USH2A: variants seen among roughly 807,000 people sequenced by gnomAD.
USH2A encodes the protein usherin.
USH2A carries 443 observed loss-of-function variants against 538.9 expected under a neutral mutation model. That is an observed-to-expected ratio of 0.82 (90% confidence interval 0.76 to 0.89). The LOEUF is 0.89. Ranked by LOEUF, USH2A falls within the 40% of genes least tolerant of loss-of-function variation. USH2A has a pLI of 0.00. For synonymous variants in USH2A, 2,413 were observed against 2,273.5 expected, an observed-to-expected ratio of 1.06 and a Z score of -1.75; for missense variants, 6,633 against 6,324.8, an observed-to-expected ratio of 1.05 and a Z score of -1.65.
chr1:215,835,229 T>C (rs1201985954), intron 47 of USH2A, among the ~76,000 whole-genome samples: 4 of 150,644 alleles, frequency 2.7e-5, no homozygotes, highest in South Asian at 2.1e-4. Context: ...CCTTGTTGAT[T>C]GGCATACTTC....
At chr1:216,112,848 T>C (rs1330745438) in intron 21 of USH2A, among the ~76,000 whole-genome samples, 1 of 152,008 alleles carries the variant, frequency 6.6e-6, no homozygotes, top group Non-Finnish European at 1.5e-5. Flanking sequence ...CTTTATCTAG[T>C]CTGTCATTGA....
At chr1:216,296,629 A>T (rs1464194389) in intron 9 of USH2A, among the ~76,000 whole-genome samples, 1 of 152,088 alleles carries the variant, frequency 6.6e-6, no homozygotes, top group African/African-American at 2.4e-5. Context: ...ACAATTCACA[A>T]ACAAGGTGAC....
intron 32 of USH2A, among the ~76,000 whole-genome samples, chr1:216,012,362 C>T (rs1037035802): frequency 6.6e-6 from 1 of 152,032 alleles, no homozygotes; most frequent in African/African-American, 2.4e-5. Context: ...CAAGGATTTG[C>T]CCCCACCCAG....
chr1:216,053,372 T>G (rs1293671637), intron 30 of USH2A, among the ~76,000 whole-genome samples: 2 of 152,058 alleles, frequency 1.3e-5, no homozygotes, highest in Admixed American at 1.3e-4. Context: ...GTTTTTATAC[T>G]GAAGAAGTAT....
rs779202230 is a variant in USH2A at position 215,674,110 on chromosome 1, G to T, written c.13801C>A (p.Pro4601Thr). 1 of 1,614,006 alleles carries T rather than the reference G, an allele frequency of 6.2e-7. No homozygotes were observed. The highest frequency in any genetic ancestry group is 8.5e-7 in the Non-Finnish European group (1 of 1,179,970). ...MQSYIVNQLK[P>T]FHRYEIRIQA... ...GACATGGCTACCTACCTGTGAAATG[G>T]CTTCAGCTGGTTTACTATATATGAC... Residue 4601 changes from proline to threonine, a missense_variant, in exon 63 of 72, where the codon CCA (proline) becomes ACA (threonine). Coordinates refer to ENST00000307340, the MANE Select transcript of USH2A (RefSeq NM_206933.4).
At chr1:216,130,864 G>A (rs1200384319) in intron 21 of USH2A, among the ~76,000 whole-genome samples, 1 of 151,666 alleles carries the variant, frequency 6.6e-6, no homozygotes, top group Non-Finnish European at 1.5e-5. Context: ...GGTAGTTTTA[G>A]TTCTGTAAGG....
At chr1:216,014,836 T>G (rs548256712) in intron 32 of USH2A, among the ~76,000 whole-genome samples, 13 of 152,358 alleles carry the variant, frequency 8.5e-5, no homozygotes, top group Admixed American at 3.9e-4. Context: ...TGTGCTATTT[T>G]ACGATTGATT....
In USH2A at chr1:215,888,837, A is replaced by T. The variant is rs751461138; in HGVS notation, c.7812T>A (p.Thr2604=). The change falls in exon 41 of 72, where the codon ACT becomes ACA. Residue 2604 remains threonine (T), a synonymous_variant. Coordinates refer to ENST00000307340, the MANE Select transcript of USH2A (RefSeq NM_206933.4). ...CTGGTGAAAGGGAACATCCTTTTGAAGTGCAGGCTTCTACCTGAAACTTAT... is the reference window on the plus strand; with the variant it reads ...CTGGTGAAAGGGAACATCCTTTTGATGTGCAGGCTTCTACCTGAAACTTAT... ...TAYKFQVEAC[T]SKGCSLSPES... 6.2e-7 allele frequency: 1 copy of T among 1,614,148 alleles called. No individual in the cohort carries two copies.
At chr1:216,363,990 T>A (rs1279804957) in intron 4 of USH2A, among the ~76,000 whole-genome samples, 1 of 151,408 alleles carries the variant, frequency 6.6e-6, no homozygotes, top group Non-Finnish European at 1.5e-5. Flanking sequence ...GGAAAATACT[T>A]TCTATTTCAC....
intron 61 of USH2A, among the ~76,000 whole-genome samples, chr1:215,698,472 C>T (rs930496326): frequency 2.0e-5 from 3 of 152,214 alleles, no homozygotes; most frequent in Admixed American, 1.3e-4. Context: ...TCTTCACATC[C>T]TCTCCAGCAT....
chr1:215,952,086 G>A (rs1229920481), intron 37 of USH2A, among the ~76,000 whole-genome samples: 3 of 151,010 alleles, frequency 2.0e-5, no homozygotes, highest in East Asian at 3.9e-4. Flanking sequence ...GGATGGTCTC[G>A]ATCTCCTGAC....
chr1:216,000,361 T>C (rs1668239476), intron 33 of USH2A, 42 bp downstream of exon 33: 1 of 1,612,576 alleles, frequency 6.2e-7, no homozygotes, highest in Non-Finnish European at 8.5e-7. Flanking sequence ...ACTGAGATTC[T>C]TGCATGAACC....
chr1:215,743,712 C>T (rs1660381976), intron 58 of USH2A, among the ~76,000 whole-genome samples: 3 of 149,682 alleles, frequency 2.0e-5, no homozygotes, highest in African/African-American at 4.9e-5. Context: ...CCCAGCTACT[C>T]GGGAGGCTGA....
chr1:216,065,920 A>G (rs1558239105), intron 30 of USH2A, among the ~76,000 whole-genome samples: 1 of 152,008 alleles, frequency 6.6e-6, no homozygotes, highest in Admixed American at 6.6e-5. Context: ...ATAAAATAAA[A>G]TAAAAAATAA....
Position 215,648,527 on chromosome 1 carries a change from C to G in USH2A, c.14582+1G>C, listed in dbSNP as rs1553250150. The G allele has an allele frequency of 6.2e-7, 1 of 1,613,954 alleles. No homozygotes were observed. The highest frequency in any genetic ancestry group is 8.5e-7 in the Non-Finnish European group (1 of 1,179,836). On this transcript the variant is annotated splice_donor_variant, in intron 66 of 71. Transcript: ENST00000307340. LOFTEE classifies it high-confidence loss of function. ...CTTCATCCTTCTGCCTGACCCATTA[C>G]CTGTGAATGACACCATTGGGGAACA...
chr1:215,786,124 T>C (rs2102766338), intron 52 of USH2A, among the ~76,000 whole-genome samples: 1 of 152,326 alleles, frequency 6.6e-6, no homozygotes, highest in Admixed American at 6.5e-5. Flanking sequence ...CATAACCATT[T>C]TGGACTAATT....
At chr1:216,015,208 T>G (rs1668675913) in intron 32 of USH2A, among the ~76,000 whole-genome samples, 1 of 152,188 alleles carries the variant, frequency 6.6e-6, no homozygotes. Context: ...CCTGAGAACC[T>G]CTGCTAGGTT....
In USH2A at chr1:215,623,644, C is replaced by T. The variant is rs558123371; in HGVS notation, c.*2137G>A. On this transcript the variant is annotated 3_prime_UTR_variant, in exon 72 of 72. Coordinates refer to ENST00000307340, the MANE Select transcript of USH2A (RefSeq NM_206933.4). ...GAAGCCATACAGGCTTCTGTCTGCC[C>T]TAAGCTATGGAGTCAAAATGTAAAT... 6.6e-6 allele frequency: 1 copy of T among 152,044 alleles called. No homozygotes were observed. Among genetic ancestry groups the T allele is most frequent in the South Asian group, 2.1e-4 (1 of 4,822 alleles). The allele number at this position is 152,044 out of a possible 1,614,324, so 9.4% of individuals were successfully genotyped here. A position where few individuals can be genotyped will look rare whatever the true frequency, so the allele number is the denominator to read the frequency against.
At chr1:215,653,621 A>C (rs745386541) in intron 64 of USH2A, among the ~76,000 whole-genome samples, 3 of 152,222 alleles carry the variant, frequency 2.0e-5, no homozygotes, top group Non-Finnish European at 4.4e-5. Flanking sequence ...CTAGGAGAAA[A>C]GGAAAAAAGA....
Sources: gnomAD v4.1 joint callset for allele counts (sites outside exome capture counted in the v4.1 genomes callset) on GRCh38, gnomAD v4.1.1 for gene constraint, MANE v1.5 for transcripts, NCBI Gene and HGNC (gene_info 2026-07-23, HGNC 2026-07-21) for gene names.